PCOLCE2: variants seen among roughly 807,000 people sequenced by gnomAD.
The protein encoded by PCOLCE2 is procollagen C-proteinase enhancer 2.
PCOLCE2 carries 42 observed loss-of-function variants against 47.0 expected under a neutral mutation model. The observed-to-expected ratio is 0.89, with a 90% CI of 0.70 to 1.16. The LOEUF (loss-of-function observed/expected upper bound fraction) is 1.16, where lower values mean the gene tolerates loss of function less well. Among genes scored for constraint, PCOLCE2 ranks in the 50% most tolerant of loss-of-function variants. The pLI, the probability that PCOLCE2 is intolerant of heterozygous loss-of-function variation, is 0.00. For synonymous variants in PCOLCE2, 169 were observed against 191.7 expected (o/e 0.88, Z 0.98); for missense variants, 500 against 526.1 (o/e 0.95, Z 0.49).
At chr3:142,848,608 A>C in intron 2 of PCOLCE2, 136 bp from the exon 3 acceptor site, 1 of 746,842 alleles carries the variant, frequency 1.3e-6, no homozygotes, top group Non-Finnish European at 2.1e-6. Context: ...GAACTAACCC[A>C]AGGGAAGTTT....
intron 2 of PCOLCE2, among the ~76,000 whole-genome samples, chr3:142,855,035 C>G (rs539452833): frequency 6.6e-6 from 1 of 152,304 alleles, no homozygotes; most frequent in Non-Finnish European, 1.5e-5. Context: ...CACCTAAGGG[C>G]CTTTGCACAG....
At chr3:142,857,953 C>T (rs1933098975) in intron 2 of PCOLCE2, among the ~76,000 whole-genome samples, 1 of 152,238 alleles carries the variant, frequency 6.6e-6, no homozygotes, top group Non-Finnish European at 1.5e-5. Context: ...TCAAACACAC[C>T]TGGCCCCTTT....
At chr3:142,838,416 T>TA (rs1469087928) in intron 5 of PCOLCE2, among the ~76,000 whole-genome samples, 1 of 152,118 alleles carries the variant, frequency 6.6e-6, no homozygotes, top group Non-Finnish European at 1.5e-5. Context: ...TCTGGTCATT[T>TA]AAAAGCATGT....
At chr3:142,825,914 C>G (rs1408291515) in intron 6 of PCOLCE2, among the ~76,000 whole-genome samples, 1 of 152,084 alleles carries the variant, frequency 6.6e-6, no homozygotes, top group East Asian at 1.9e-4. Flanking sequence ...TCAGCCTACT[C>G]TCCAATTTCT....
intron 2 of PCOLCE2, among the ~76,000 whole-genome samples, chr3:142,877,221 T>G (rs938061789): frequency 6.6e-6 from 1 of 152,202 alleles, no homozygotes; most frequent in Non-Finnish European, 1.5e-5. Context: ...TGGAATGCCC[T>G]TGGTTGATGA....
Position 142,818,367 on chromosome 3 carries a change from G to A in PCOLCE2, c.1216C>T (p.Leu406Phe). The part of the protein sequence containing the change: ...IMMFKTKNQK[L>F]LDALKNKQC ...TGCTTATTTTTTAAGGCATCCAGGA[G>A]CTTCTGATTCTTGGTCTTGAACATC... is the stretch of plus-strand genomic sequence containing the variant. The change falls in exon 9 of 9, where the codon CTC (leucine) becomes TTC (phenylalanine). Residue 406 changes from leucine (L) to phenylalanine (F), a missense_variant. Transcript: ENST00000295992. The A allele has an allele frequency of 6.2e-7, 1 of 1,613,548 alleles. No individual in the cohort carries two copies.
In PCOLCE2 at chr3:142,824,342, T is replaced by C. The variant is rs534543860; in HGVS notation, c.866-727A>G. On this transcript the variant is annotated intron_variant, in intron 6 of 8. Coordinates refer to ENST00000295992, the MANE Select transcript of PCOLCE2 (RefSeq NM_013363.4). Reference sequence around the variant, plus strand: ...ATCTAGTGGGTAGATGCCGAGACGCTGCTGACATCCCACAGAAAAAAGGAC... The same window carrying C: ...ATCTAGTGGGTAGATGCCGAGACGCCGCTGACATCCCACAGAAAAAAGGAC... Among the ~76,000 whole-genome samples the C allele has an allele frequency of 6.2e-4, 95 of 152,244 alleles. 1 individual carries two copies. The highest frequency in any genetic ancestry group is 2.1e-3 in the African/African-American group (89 of 41,546).
rs567333365 is a variant in PCOLCE2 at position 142,830,357 on chromosome 3, A to C, written c.711-511T>G. Among the ~76,000 whole-genome samples, 7 of 152,350 alleles carry C rather than the reference A, an allele frequency of 4.6e-5. No individual in the cohort carries two copies. In the East Asian group the frequency reaches 1.3e-3, roughly 29 times the overall value. ...GAGCATAAAATGGACAAATCTGGTG[A>C]ACAAATTCCCACGCCCTGTAAAGAT... is the stretch of plus-strand genomic sequence containing the variant. On this transcript the variant is annotated intron_variant, in intron 5 of 8. Transcript: ENST00000295992.
intron 2 of PCOLCE2, among the ~76,000 whole-genome samples, chr3:142,866,759 T>C (rs1287758979): frequency 1.3e-5 from 2 of 152,192 alleles, no homozygotes; most frequent in Non-Finnish European, 2.9e-5. Flanking sequence ...TAAAAGAGTC[T>C]TCAGTAAGGC....
chr3:142,878,840 G>A (rs1933550506), intron 2 of PCOLCE2, among the ~76,000 whole-genome samples: 1 of 151,102 alleles, frequency 6.6e-6, no homozygotes, highest in East Asian at 1.9e-4. Context: ...GGTGAAAAGT[G>A]AGACTTTGTC....
At chr3:142,869,557 TAAA>T (rs970734560) in intron 2 of PCOLCE2, among the ~76,000 whole-genome samples, 1 of 152,120 alleles carries the variant, frequency 6.6e-6, no homozygotes, top group African/African-American at 2.4e-5. Flanking sequence ...TGAAATCTGA[TAAA>T]AAACACAGTC....
intron 2 of PCOLCE2, among the ~76,000 whole-genome samples, chr3:142,858,079 C>G (rs1443147410): frequency 6.6e-6 from 1 of 152,182 alleles, no homozygotes; most frequent in Non-Finnish European, 1.5e-5. Context: ...TACACCTTCT[C>G]GAGGAACTCA....
chr3:142,835,316 A>G (rs1937190691), intron 5 of PCOLCE2, among the ~76,000 whole-genome samples: 1 of 152,200 alleles, frequency 6.6e-6, no homozygotes, highest in Admixed American at 6.5e-5. Context: ...GATAAATTGC[A>G]TCATTTATCA....
intron 2 of PCOLCE2, among the ~76,000 whole-genome samples, chr3:142,878,747 G>A (rs1022094833): frequency 6.6e-6 from 1 of 152,084 alleles, no homozygotes; most frequent in Admixed American, 6.5e-5. Context: ...CCCAGCTACT[G>A]GGTGGCTGAG....
At chr3:142,837,918 A>T (rs1278194391) in intron 5 of PCOLCE2, among the ~76,000 whole-genome samples, 1 of 152,210 alleles carries the variant, frequency 6.6e-6, no homozygotes, top group Non-Finnish European at 1.5e-5. Context: ...TAGCAATGTG[A>T]GGGGGAGGCA....
intron 2 of PCOLCE2, among the ~76,000 whole-genome samples, chr3:142,866,946 T>A (rs77975969): frequency 0.069 from 10,547 of 152,258 alleles, 401 homozygotes; most frequent in African/African-American, 0.1. Context: ...TGTTGCCGCG[T>A]GTGCAGGTAA....
intron 2 of PCOLCE2, 47 bp from the exon 3 acceptor site, chr3:142,848,519 T>G (rs756539089): frequency 2.0e-6 from 3 of 1,513,924 alleles, no homozygotes; most frequent in Non-Finnish European, 2.7e-6. Flanking sequence ...AAACAATATC[T>G]GAGGCTTTGA....
intron 2 of PCOLCE2, among the ~76,000 whole-genome samples, chr3:142,856,549 C>G (rs1933063926): frequency 6.6e-6 from 1 of 152,132 alleles, no homozygotes; most frequent in South Asian, 2.1e-4. Context: ...GGTGTTCAGA[C>G]TGAAGTCTGC....
intron 6 of PCOLCE2, chr3:142,827,321 C>T: frequency 7.2e-7 from 1 of 1,393,172 alleles, no homozygotes; most frequent in Non-Finnish European, 1.0e-6. Context: ...GTAGGCTTGG[C>T]AAGCCTTCAA....
Sources: allele counts gnomAD v4.1 joint callset (sites outside exome capture counted in the v4.1 genomes callset), GRCh38; gene constraint gnomAD v4.1.1; transcripts MANE v1.5; gene names NCBI Gene and HGNC (gene_info 2026-07-23, HGNC 2026-07-21).